OSBPL9: variants seen among roughly 807,000 people sequenced by gnomAD.
OSBPL9 encodes the protein oxysterol-binding protein-related protein 9.
In OSBPL9, 40 loss-of-function variants were observed where a neutral mutation model predicts 106.6. The observed-to-expected ratio is 0.38, with a 90% CI of 0.29 to 0.49. OSBPL9 has a LOEUF of 0.49. OSBPL9 is among the 20% of genes least tolerant of loss of function. The pLI is 0.97. For synonymous variants in OSBPL9, 269 were observed against 295.4 expected, an observed-to-expected ratio of 0.91 and a Z score of 0.92; for missense variants, 609 against 887.2, an observed-to-expected ratio of 0.69 and a Z score of 3.98.
upstream of OSBPL9, among the ~76,000 whole-genome samples, chr1:51,572,685 C>G (rs182585586): frequency 1.5e-4 from 23 of 152,278 alleles, no homozygotes; most frequent in Admixed American, 1.5e-3. Context: ...GGCAAATAAC[C>G]TCTCTGAGGC....
intron 1 of OSBPL9, among the ~76,000 whole-genome samples, chr1:51,649,701 T>TA (rs1285266203): frequency 6.6e-6 from 1 of 151,782 alleles, no homozygotes; most frequent in Middle Eastern, 3.2e-3. Context: ...CCACAGCACT[T>TA]ATTTTTGCTC....
chr1:51,660,921 T>G (rs1217819453), intron 2 of OSBPL9, among the ~76,000 whole-genome samples: 2 of 152,204 alleles, frequency 1.3e-5, no homozygotes, highest in Non-Finnish European at 2.9e-5. Flanking sequence ...AAGAACAGGC[T>G]TTGGATCAGG....
At chr1:51,711,122 G>A (rs1211774700) in intron 3 of OSBPL9, among the ~76,000 whole-genome samples, 8 of 150,978 alleles carry the variant, frequency 5.3e-5, no homozygotes, top group African/African-American at 7.3e-5. Flanking sequence ...ACACAGACAC[G>A]GCAACCATCC....
chr1:51,742,613 A>G (rs1667171758), intron 4 of OSBPL9, among the ~76,000 whole-genome samples: 1 of 151,902 alleles, frequency 6.6e-6, no homozygotes, highest in African/African-American at 2.4e-5. Flanking sequence ...GCACATGCCT[A>G]TAGTCCCAGC....
intron 1 of OSBPL9, among the ~76,000 whole-genome samples, chr1:51,630,306 C>A (rs1645030259): frequency 6.6e-6 from 1 of 152,066 alleles, no homozygotes; most frequent in African/African-American, 2.4e-5. Context: ...AGAAACAAGA[C>A]AAGGTTAGAG....
At chr1:51,754,086 G>C (rs1046766194) in intron 8 of OSBPL9, among the ~76,000 whole-genome samples, 1 of 152,174 alleles carries the variant, frequency 6.6e-6, no homozygotes, top group Admixed American at 6.5e-5. Flanking sequence ...TGGGGAGTAA[G>C]GGGAGAGAAG....
At chr1:51,565,974 T>G in the OSBPL9 span, 9 of 152,344 alleles carry the variant, frequency 5.9e-5, no homozygotes, top group African/African-American at 2.2e-4. Flanking sequence ...AGAATAATAA[T>G]AATGAGCCAA....
chr1:51,585,706 G>T (rs183462479), intron 1 of OSBPL9, among the ~76,000 whole-genome samples: 304 of 151,628 alleles, frequency 2.0e-3, no homozygotes, highest in Middle Eastern at 0.01. Context: ...AACCCGGGAA[G>T]TGGAGGTTGC....
intron 3 of OSBPL9, among the ~76,000 whole-genome samples, chr1:51,691,273 CTTTTTTTTTTTTTTT>C: frequency 9.2e-6 from 1 of 108,950 alleles, no homozygotes; most frequent in East Asian, 2.8e-4. Flanking sequence ...CTTGCTGTAA[CTTTTTTTTTTTTTTT>C]TTTTTTTTTG....
At chr1:51,613,763 G>T (rs190437494), upstream of OSBPL9, among the ~76,000 whole-genome samples, 1 of 150,964 alleles carries the variant, frequency 6.6e-6, no homozygotes, top group Admixed American at 6.6e-5. Context: ...TTGAGACAGG[G>T]TCTTGATCTG....
At chr1:51,674,067 T>TC (rs963812577) in intron 3 of OSBPL9, among the ~76,000 whole-genome samples, 4 of 135,962 alleles carry the variant, frequency 2.9e-5, no homozygotes, top group African/African-American at 1.2e-4. Context: ...TTCTTCTTCT[T>TC]TTTTTTTTTT....
intron 7 of OSBPL9, 142 bp downstream of exon 7, chr1:51,748,540 A>ATT: frequency 1.0e-6 from 1 of 953,038 alleles, no homozygotes; most frequent in Non-Finnish European, 1.4e-6. Context: ...TAAGCATTGT[A>ATT]TTTTTTTTTA....
intron 4 of OSBPL9, among the ~76,000 whole-genome samples, chr1:51,736,390 A>G (rs755095066): frequency 3.4e-4 from 52 of 152,178 alleles, no homozygotes; most frequent in Non-Finnish European, 5.1e-4. Context: ...TATTCAAGTC[A>G]GGGTCGTTGT....
chr1:51,615,924 C>T (rs12033869), upstream of OSBPL9, among the ~76,000 whole-genome samples: 1 of 150,562 alleles, frequency 6.6e-6, no homozygotes, highest in Admixed American at 6.6e-5. Context: ...AATTTAAGCT[C>T]TGAGAGAGCT....
At chr1:51,620,322 AG>A in intron 1 of OSBPL9, among the ~76,000 whole-genome samples, 1 of 152,170 alleles carries the variant, frequency 6.6e-6, no homozygotes, top group Non-Finnish European at 1.5e-5. Flanking sequence ...AATTTATGAA[AG>A]GTTACTGAGT....
At chr1:51,678,818 A>G (rs1453731929) in intron 3 of OSBPL9, among the ~76,000 whole-genome samples, 3 of 152,230 alleles carry the variant, frequency 2.0e-5, no homozygotes, top group Non-Finnish European at 4.4e-5. Flanking sequence ...TTAGCAAGGC[A>G]TATCTGCATC....
chr1:51,786,231 G>A (rs1677593565), intron 21 of OSBPL9: 2 of 444,972 alleles, frequency 4.5e-6, no homozygotes, highest in Admixed American at 4.1e-5. Flanking sequence ...GCACTAAACT[G>A]TGTGTTTCCA....
chr1:51,602,935 C>T (rs1370481548), intron 2 of OSBPL9, among the ~76,000 whole-genome samples: 13 of 152,178 alleles, frequency 8.5e-5, no homozygotes. Context: ...GCAGGAGGAT[C>T]ACTTGAGCTT....
At position 51,781,195 on chromosome 1, in the gene OSBPL9, ATGGTTC is replaced by A; in HGVS notation, c.1289_1294del (p.Met430_Gln432delinsLys). The A allele has an allele frequency of 1.2e-6, 2 of 1,614,086 alleles. No homozygotes were observed. Among genetic ancestry groups the A allele is most frequent in the Non-Finnish European group, 1.7e-6 (2 of 1,180,002 alleles). ...TGACCAGAAGGATCCCAAGGATCGAATGGTTCAGGTTGTGAAATGGTACCTCTCAGC... is the reference window on the plus strand; with the variant it reads ...TGACCAGAAGGATCCCAAGGATCGAAAGGTTGTGAAATGGTACCTCTCAGC... On this transcript the variant is annotated inframe_deletion, in exon 16 of 24. Transcript: ENST00000428468.
Sources: allele counts gnomAD v4.1 joint callset (sites outside exome capture counted in the v4.1 genomes callset), GRCh38; gene constraint gnomAD v4.1.1; transcripts MANE v1.5; gene names NCBI Gene and HGNC (gene_info 2026-07-23, HGNC 2026-07-21).